ATRNL1: variants seen among roughly 807,000 people sequenced by gnomAD.
The protein encoded by ATRNL1 is attractin like 1.
Under a neutral mutation model 182.7 loss-of-function variants are expected in ATRNL1, and 95 were observed. The ratio of observed to expected loss-of-function variants is 0.52; its 90% confidence interval spans 0.44 to 0.62. ATRNL1 has a LOEUF of 0.62. ATRNL1 is among the 20% of genes least tolerant of loss of function. The pLI, the probability that ATRNL1 is intolerant of heterozygous loss-of-function variation, is 0.00. For missense variants in ATRNL1, 1,471 were observed against 1,679.5 expected, an observed-to-expected ratio of 0.88 and a Z score of 2.17; for synonymous variants, 576 against 568.3, an observed-to-expected ratio of 1.01 and a Z score of -0.19.
In ATRNL1 at chr10:115,122,038, T is replaced by TA. The variant is rs567755835; in HGVS notation, c.491+229dup. ...TATATTGGAAATATAGATTTCTTTCTAAATATTTTTTATTCTCATTGTATT... is the reference window on the plus strand; with the variant it reads ...TATATTGGAAATATAGATTTCTTTCTAAAATATTTTTTATTCTCATTGTATT... On this transcript the variant is annotated intron_variant, in intron 3 of 28. Coordinates refer to ENST00000355044, the MANE Select transcript of ATRNL1 (RefSeq NM_207303.4). 3.0e-3 allele frequency among the ~76,000 whole-genome samples: 459 copies of TA among 152,192 alleles called. 1 individual carries two copies. The highest frequency in any genetic ancestry group is 9.9e-3 in the African/African-American group (410 of 41,594).
intron 26 of ATRNL1, among the ~76,000 whole-genome samples, chr10:115,664,368 G>A (rs1860878485): frequency 6.6e-6 from 1 of 152,120 alleles, no homozygotes; most frequent in Non-Finnish European, 1.5e-5. Context: ...ATTCTTTCTT[G>A]CTGTGCTATT....
intron 27 of ATRNL1, among the ~76,000 whole-genome samples, chr10:115,797,307 C>T (rs1334743309): frequency 6.6e-6 from 1 of 152,124 alleles, no homozygotes; most frequent in Non-Finnish European, 1.5e-5. Context: ...TAAAATATGA[C>T]ACCTTTTCCT....
At chr10:115,453,349 C>T (rs1302475134) in intron 21 of ATRNL1, among the ~76,000 whole-genome samples, 2 of 152,046 alleles carry the variant, frequency 1.3e-5, no homozygotes, top group African/African-American at 2.4e-5. Flanking sequence ...AATGTCTATT[C>T]AGTCTCTTTG....
chr10:115,321,209 T>C (rs532279217), intron 18 of ATRNL1, among the ~76,000 whole-genome samples: 120 of 152,246 alleles, frequency 7.9e-4, no homozygotes, highest in Admixed American at 1.2e-3. Context: ...TCTGCTTCGC[T>C]CCTGCCCCTG....
chr10:115,455,777 A>G (rs1323191776), intron 21 of ATRNL1, among the ~76,000 whole-genome samples: 1 of 152,182 alleles, frequency 6.6e-6, no homozygotes, highest in East Asian at 1.9e-4. Flanking sequence ...AGGAATTTAA[A>G]CAAATTTACA....
chr10:115,425,089 A>AT (rs1285145550), intron 20 of ATRNL1, among the ~76,000 whole-genome samples: 7 of 151,770 alleles, frequency 4.6e-5, no homozygotes, highest in African/African-American at 7.3e-5. Flanking sequence ...TCTTCAACTC[A>AT]TTTTTTTCCA....
At chr10:115,930,123 G>C (rs1162634639) in intron 28 of ATRNL1, among the ~76,000 whole-genome samples, 1 of 152,148 alleles carries the variant, frequency 6.6e-6, no homozygotes, top group Non-Finnish European at 1.5e-5. Context: ...TTTAATGCCG[G>C]TGCTTTGTAT....
At chr10:115,180,331 C>T (rs1785554238) in intron 8 of ATRNL1, among the ~76,000 whole-genome samples, 1 of 151,796 alleles carries the variant, frequency 6.6e-6, no homozygotes, top group Non-Finnish European at 1.5e-5. Flanking sequence ...GTATTTATGC[C>T]ATTTTCTCAG....
At chr10:115,326,290 A>G (rs1854877000) in intron 18 of ATRNL1, among the ~76,000 whole-genome samples, 1 of 152,266 alleles carries the variant, frequency 6.6e-6, no homozygotes, top group African/African-American at 2.4e-5. Flanking sequence ...TACACCAATA[A>G]CAGACAAACA....
intron 19 of ATRNL1, among the ~76,000 whole-genome samples, chr10:115,348,084 C>T (rs1485194695): frequency 6.6e-6 from 1 of 152,188 alleles, no homozygotes; most frequent in Non-Finnish European, 1.5e-5. Context: ...AGGGATTCTC[C>T]TGCCTCAGCC....
chr10:115,564,234 G>A (rs1555000798), intron 26 of ATRNL1, among the ~76,000 whole-genome samples: 1 of 151,944 alleles, frequency 6.6e-6, no homozygotes, highest in Non-Finnish European at 1.5e-5. Flanking sequence ...ATGCATGAAT[G>A]TAATATTGAA....
At chr10:115,614,440 C>A (rs973036742) in intron 26 of ATRNL1, among the ~76,000 whole-genome samples, 1 of 152,066 alleles carries the variant, frequency 6.6e-6, no homozygotes, top group Admixed American at 6.5e-5. Context: ...TGTTTTGTGG[C>A]CTAACATATG....
At chr10:115,710,811 C>T (rs1440483353) in intron 26 of ATRNL1, among the ~76,000 whole-genome samples, 1 of 152,062 alleles carries the variant, frequency 6.6e-6, no homozygotes, top group East Asian at 1.9e-4. Flanking sequence ...CCTAATAAAT[C>T]ATTCATTCAT....
At chr10:115,894,228 G>T (rs1422122497) in intron 28 of ATRNL1, among the ~76,000 whole-genome samples, 3 of 152,202 alleles carry the variant, frequency 2.0e-5, no homozygotes, top group Non-Finnish European at 4.4e-5. Context: ...GGACTGAGAT[G>T]ATGGCTGAGT....
chr10:115,381,919 A>G (rs1858036273), intron 19 of ATRNL1, among the ~76,000 whole-genome samples: 2 of 151,926 alleles, frequency 1.3e-5, no homozygotes, highest in African/African-American at 2.4e-5. Flanking sequence ...TTAAACATGC[A>G]TATCTAGTTG....
intron 27 of ATRNL1, among the ~76,000 whole-genome samples, chr10:115,765,621 AG>A (rs1441222508): frequency 6.6e-6 from 1 of 152,180 alleles, no homozygotes; most frequent in Non-Finnish European, 1.5e-5. Flanking sequence ...TCTTTCACAG[AG>A]CATAAGTCTT....
intron 26 of ATRNL1, among the ~76,000 whole-genome samples, chr10:115,571,274 A>G (rs574280842): frequency 6.6e-6 from 1 of 152,210 alleles, no homozygotes; most frequent in African/African-American, 2.4e-5. Flanking sequence ...AAACGTGTGG[A>G]AAAATGGATT....
At chr10:115,606,824 T>C (rs1021822539) in intron 26 of ATRNL1, among the ~76,000 whole-genome samples, 15 of 152,030 alleles carry the variant, frequency 9.9e-5, no homozygotes, top group Admixed American at 9.8e-4. Context: ...AATCAGTTTA[T>C]TTTATATTTT....
chr10:115,360,230 T>C (rs1856677890), intron 19 of ATRNL1, among the ~76,000 whole-genome samples: 1 of 151,832 alleles, frequency 6.6e-6, no homozygotes, highest in Admixed American at 6.6e-5. Context: ...AATGTTATTA[T>C]TGATTTACAA....
Sources: gnomAD v4.1 joint callset for allele counts (sites outside exome capture counted in the v4.1 genomes callset) on GRCh38, gnomAD v4.1.1 for gene constraint, MANE v1.5 for transcripts, NCBI Gene and HGNC (gene_info 2026-07-23, HGNC 2026-07-21) for gene names.